B3GLCT: variants seen among roughly 807,000 people sequenced by gnomAD.
B3GLCT encodes the protein beta 3-glucosyltransferase, also known as beta-1,3-glucosyltransferase.
In B3GLCT, 65 loss-of-function variants were observed where a neutral mutation model predicts 63.4. That is an observed-to-expected ratio of 1.03 (90% CI 0.84 to 1.26). The LOEUF is 1.26. Among genes scored for constraint, B3GLCT ranks in the 50% most tolerant of loss-of-function variants. The pLI is 0.00. For synonymous variants in B3GLCT, 233 were observed against 219.2 expected (o/e 1.06, Z -0.55); for missense variants, 577 against 604.8 (o/e 0.95, Z 0.48).
At chr13:31,214,367 C>T (rs1391079751) in intron 1 of B3GLCT, among the ~76,000 whole-genome samples, 3 of 152,150 alleles carry the variant, frequency 2.0e-5, no homozygotes, top group Admixed American at 1.3e-4. Flanking sequence ...GTGTTACTGT[C>T]ATGTTGTTGT....
chr13:31,249,160 C>T (rs1871320938), intron 6 of B3GLCT, among the ~76,000 whole-genome samples: 2 of 152,308 alleles, frequency 1.3e-5, no homozygotes, highest in South Asian at 4.1e-4. Flanking sequence ...AGATGTCAAA[C>T]ACTGGGCAAC....
At chr13:31,310,869 C>T (rs1874669487) in intron 12 of B3GLCT, among the ~76,000 whole-genome samples, 1 of 152,222 alleles carries the variant, frequency 6.6e-6, no homozygotes, top group South Asian at 2.1e-4. Context: ...AGGCAGAAGC[C>T]AGTCACAGCA....
At position 31,290,682 on chromosome 13, in the gene B3GLCT, C is replaced by A. The variant is rs140985424; in HGVS notation, c.1064+3863C>A. On this transcript the variant is annotated intron_variant, in intron 12 of 14. Transcript: ENST00000343307. ...TCTTTTGAGAAGCGTCTGTTCATAT[C>A]CTTTGTCCACTTTTTGATGGGGTTG... Among the ~76,000 whole-genome samples the A allele has an allele frequency of 1.4e-3, 219 of 152,200 alleles. 2 individuals carry two copies. In the East Asian group the frequency reaches 0.04, roughly 28 times the overall value.
intron 12 of B3GLCT, among the ~76,000 whole-genome samples, chr13:31,289,601 T>G (rs1873538622): frequency 8.2e-6 from 1 of 122,606 alleles, no homozygotes; most frequent in African/African-American, 2.9e-5. Flanking sequence ...AGATGGCACT[T>G]TAGCCATCGT....
At chr13:31,266,895 T>C (rs1872350516) in intron 7 of B3GLCT, among the ~76,000 whole-genome samples, 1 of 152,094 alleles carries the variant, frequency 6.6e-6, no homozygotes. Context: ...CTCAGCCTCC[T>C]GAGTAGCTGG....
intron 12 of B3GLCT, among the ~76,000 whole-genome samples, chr13:31,317,086 C>T (rs965740631): frequency 6.6e-6 from 1 of 152,244 alleles, no homozygotes; most frequent in African/African-American, 2.4e-5. Context: ...CCCCACCTGC[C>T]AGCCAGGGGC....
intron 1 of B3GLCT, 72 bp downstream of exon 1, chr13:31,200,226 C>G: frequency 6.9e-6 from 7 of 1,016,602 alleles, no homozygotes; most frequent in Non-Finnish European, 8.5e-6. Flanking sequence ...GTGCCCCGGT[C>G]GGCGCGGGGA....
intron 9 of B3GLCT, 75 bp downstream of exon 9, chr13:31,274,703 C>T: frequency 2.6e-6 from 4 of 1,562,634 alleles, no homozygotes; most frequent in Non-Finnish European, 2.6e-6. Flanking sequence ...CATCCTAGCA[C>T]TTTAAAATGA....
intron 12 of B3GLCT, among the ~76,000 whole-genome samples, chr13:31,301,308 G>A (rs528380109): frequency 1.3e-5 from 2 of 152,300 alleles, no homozygotes; most frequent in East Asian, 3.9e-4. Flanking sequence ...GTCCCCACCA[G>A]CTCTTCAGTT....
At chr13:31,222,489 G>C (rs1349523570) in intron 2 of B3GLCT, among the ~76,000 whole-genome samples, 1 of 152,150 alleles carries the variant, frequency 6.6e-6, no homozygotes, top group Non-Finnish European at 1.5e-5. Flanking sequence ...CTTGAAGATA[G>C]CATGACTGCA....
intron 6 of B3GLCT, 99 bp from the exon 7 acceptor site, chr13:31,260,847 C>T: frequency 8.6e-7 from 1 of 1,157,742 alleles, no homozygotes; most frequent in Non-Finnish European, 1.3e-6. Flanking sequence ...TCTTTATCAC[C>T]CAAAATATTT....
At chr13:31,202,253 C>T (rs1379809951) in intron 1 of B3GLCT, among the ~76,000 whole-genome samples, 1 of 152,138 alleles carries the variant, frequency 6.6e-6, no homozygotes, top group Non-Finnish European at 1.5e-5. Flanking sequence ...TAGAAAATTT[C>T]TTTTAAACCC....
intron 14 of B3GLCT, among the ~76,000 whole-genome samples, chr13:31,326,853 T>G (rs1463803161): frequency 1.3e-5 from 2 of 152,238 alleles, no homozygotes; most frequent in Non-Finnish European, 2.9e-5. Flanking sequence ...TTGTAATGTT[T>G]AATAAGCCAG....
chr13:31,239,041 G>A (rs1227002598), intron 4 of B3GLCT, among the ~76,000 whole-genome samples: 2 of 152,200 alleles, frequency 1.3e-5, no homozygotes, highest in Non-Finnish European at 2.9e-5. Flanking sequence ...CATAGGTTTA[G>A]AACATAGTTC....
Position 31,250,819 on chromosome 13 carries a change from C to G in B3GLCT, c.459+2853C>G, listed in dbSNP as rs563967882. Among the ~76,000 whole-genome samples the G allele has an allele frequency of 1.4e-4, 22 of 152,352 alleles. No individual in the cohort carries two copies. The South Asian group carries it at 4.1e-3, about 29-fold the overall frequency. Reference sequence around the variant, plus strand: ...ACTTAAATGTCCCTACCTGGCAGCTCTGAAGAGAGCAGCGGATCTCTCAGC... The same window carrying G: ...ACTTAAATGTCCCTACCTGGCAGCTGTGAAGAGAGCAGCGGATCTCTCAGC... On this transcript the variant is annotated intron_variant, in intron 6 of 14. Transcript: ENST00000343307.
At chr13:31,236,388 G>C (rs1361142041) in intron 4 of B3GLCT, among the ~76,000 whole-genome samples, 1 of 152,110 alleles carries the variant, frequency 6.6e-6, no homozygotes, top group African/African-American at 2.4e-5. Flanking sequence ...TTGAGTAGGG[G>C]ACTTAGATTG....
intron 9 of B3GLCT, among the ~76,000 whole-genome samples, chr13:31,276,434 C>G (rs1393935545): frequency 6.6e-6 from 1 of 151,274 alleles, no homozygotes; most frequent in Non-Finnish European, 1.5e-5. Context: ...ATTTTTTTTT[C>G]TAAACAAGCA....
At chr13:31,269,610 G>A (rs895880164) in intron 8 of B3GLCT, among the ~76,000 whole-genome samples, 4 of 151,664 alleles carry the variant, frequency 2.6e-5, no homozygotes, top group Admixed American at 1.3e-4. Context: ...TCGGTTGTAC[G>A]TATGCCAGTG....
intron 1 of B3GLCT, among the ~76,000 whole-genome samples, chr13:31,200,546 C>T (rs1007921276): frequency 4.7e-5 from 7 of 150,522 alleles, no homozygotes; most frequent in Middle Eastern, 3.4e-3. Flanking sequence ...GCGCGAGTGG[C>T]GGCGGCGGCG....
Sources: allele counts gnomAD v4.1 joint callset (sites outside exome capture counted in the v4.1 genomes callset), GRCh38; gene constraint gnomAD v4.1.1; transcripts MANE v1.5; gene names NCBI Gene and HGNC (gene_info 2026-07-23, HGNC 2026-07-21).